CEP72: variants seen among roughly 807,000 people sequenced by gnomAD.
The protein encoded by CEP72 is centrosomal protein 72.
Under a neutral mutation model 65.7 loss-of-function variants are expected in CEP72, and 78 were observed. The ratio of observed to expected loss-of-function variants is 1.19; its 90% confidence interval spans 0.99 to 1.43. CEP72 has a LOEUF of 1.43. CEP72 is among the 40% of genes most tolerant of loss of function. The pLI, the probability that CEP72 is intolerant of heterozygous loss-of-function variation, is 0.00. For missense variants in CEP72, 914 were observed against 832.9 expected, an observed-to-expected ratio of 1.10 and a Z score of -1.20; for synonymous variants, 358 against 351.7, an observed-to-expected ratio of 1.02 and a Z score of -0.20.
chr5:635,645 A>G, intron 6 of CEP72, 61 bp downstream of exon 6: 2 of 1,322,398 alleles, frequency 1.5e-6, no homozygotes, highest in East Asian at 4.6e-5. Flanking sequence ...AGACTGAGTA[A>G]TTTATAAAGA....
intron 2 of CEP72, 126 bp from the exon 3 acceptor site, chr5:619,942 TG>T: frequency 1.4e-6 from 1 of 732,154 alleles, no homozygotes. Context: ...CTACTTTTCC[TG>T]GTAATGACAT....
At chr5:675,090 T>A in the CEP72 span, among the ~76,000 whole-genome samples, 12 of 6,284 alleles carry the variant, frequency 1.9e-3, no homozygotes, top group East Asian at 4.9e-3. Flanking sequence ...CATGGGGGGT[T>A]CAGTGTGGTC....
At chr5:671,844 G>A (rs1034444245), downstream of CEP72, among the ~76,000 whole-genome samples, 2 of 152,226 alleles carry the variant, frequency 1.3e-5, no homozygotes, top group African/African-American at 4.8e-5. Flanking sequence ...GGCACCCACA[G>A]CAATGGAGGG....
chr5:670,092 T>C (rs1412530233), downstream of CEP72, among the ~76,000 whole-genome samples: 1 of 152,100 alleles, frequency 6.6e-6, no homozygotes, highest in African/African-American at 2.4e-5. Flanking sequence ...CCCTGGCCTC[T>C]GGGCCTGGTT....
At chr5:658,248 A>T (rs1739434042), downstream of CEP72, among the ~76,000 whole-genome samples, 1 of 152,244 alleles carries the variant, frequency 6.6e-6, no homozygotes, top group African/African-American at 2.4e-5. Flanking sequence ...TCATCCAGGC[A>T]GCTGCAGCCA....
intron 4 of CEP72, among the ~76,000 whole-genome samples, chr5:629,002 C>T (rs1378619438): frequency 2.1e-5 from 3 of 144,358 alleles, no homozygotes; most frequent in Non-Finnish European, 4.6e-5. Flanking sequence ...CTTTGTGCAG[C>T]GTTCTGGAGA....
the CEP72 span, among the ~76,000 whole-genome samples, chr5:675,422 G>A: frequency 1.7e-5 from 2 of 118,366 alleles, no homozygotes; most frequent in South Asian, 3.1e-4. Context: ...AGTGTGGCCA[G>A]GGGTGCAGCA....
At chr5:627,667 A>T (rs1736842256) in intron 4 of CEP72, among the ~76,000 whole-genome samples, 3 of 151,928 alleles carry the variant, frequency 2.0e-5, no homozygotes, top group Non-Finnish European at 4.4e-5. Flanking sequence ...TGCTGACACC[A>T]CTCCAAATAC....
intron 11 of CEP72, among the ~76,000 whole-genome samples, chr5:652,165 C>T (rs565257836): frequency 2.0e-5 from 3 of 152,302 alleles, no homozygotes; most frequent in African/African-American, 7.2e-5. Flanking sequence ...GGTCAAGGTA[C>T]AGTTGGGGGT....
chr5:616,470 G>A (rs1352812611), intron 1 of CEP72, among the ~76,000 whole-genome samples: 1 of 151,752 alleles, frequency 6.6e-6, no homozygotes, highest in Non-Finnish European at 1.5e-5. Flanking sequence ...GGTATCTGTT[G>A]ATTGACTGTG....
At chr5:617,629 G>A (rs1024963755) in intron 1 of CEP72, among the ~76,000 whole-genome samples, 4 of 152,248 alleles carry the variant, frequency 2.6e-5, no homozygotes, top group Non-Finnish European at 5.9e-5. Flanking sequence ...GCCTCCAAGT[G>A]GGGCAAAACC....
chr5:657,522 G>A (rs532174331), downstream of CEP72, among the ~76,000 whole-genome samples: 18 of 152,332 alleles, frequency 1.2e-4, no homozygotes, highest in South Asian at 3.7e-3. Flanking sequence ...GATGGAACTT[G>A]CTGGTGAAGT....
intron 9 of CEP72, chr5:641,174 C>G (rs1022650255): frequency 6.1e-6 from 6 of 984,788 alleles, no homozygotes; most frequent in Non-Finnish European, 2.4e-6. Flanking sequence ...CTGTCTCAGC[C>G]GTGGGCTGGG....
At chr5:658,986 C>T (rs927752471), downstream of CEP72, among the ~76,000 whole-genome samples, 2 of 152,178 alleles carry the variant, frequency 1.3e-5, no homozygotes, top group Non-Finnish European at 2.9e-5. Context: ...GCTGATTGAT[C>T]CACCATCTCA....
intron 5 of CEP72, 30 bp downstream of exon 5, chr5:633,977 G>A: frequency 6.2e-7 from 1 of 1,601,640 alleles, no homozygotes; most frequent in East Asian, 2.2e-5. Flanking sequence ...GGAGGCCAGT[G>A]GGTCCGCTGG....
In CEP72 at chr5:649,385, A is replaced by C. The variant is rs201769950; in HGVS notation, c.1778+1469A>C. Among the ~76,000 whole-genome samples the C allele has an allele frequency of 1.2e-3, 98 of 82,044 alleles. 10 individuals are homozygous for C. The highest frequency in any genetic ancestry group is 1.7e-3 in the African/African-American group (30 of 17,928). 53.8% of individuals were successfully genotyped at this position (82,044 alleles called of 152,430 possible). On this transcript the variant is annotated intron_variant, in intron 11 of 11. Transcript: ENST00000264935. Reference sequence around the variant, plus strand: ...CTGTGAGGTGTGACTGTGAGGTGTGACTGTGAGGTGTGCCTGTGAGGCGTG... The same window carrying C: ...CTGTGAGGTGTGACTGTGAGGTGTGCCTGTGAGGTGTGCCTGTGAGGCGTG...
At chr5:642,660 A>G in intron 9 of CEP72, 1 of 985,344 alleles carries the variant, frequency 1.0e-6, no homozygotes, top group Non-Finnish European at 1.2e-6. Context: ...GTTTGCAGGC[A>G]GCCCTGGGCC....
At chr5:668,670 C>T (rs540506343), downstream of CEP72, among the ~76,000 whole-genome samples, 18 of 152,276 alleles carry the variant, frequency 1.2e-4, no homozygotes, top group Non-Finnish European at 2.1e-4. Context: ...GGTGGCCCAG[C>T]AGTCCCGTTC....
intron 4 of CEP72, among the ~76,000 whole-genome samples, chr5:628,545 A>AC (rs1736928776): frequency 1.7e-5 from 1 of 59,516 alleles, no homozygotes; most frequent in African/African-American, 1.3e-4. Flanking sequence ...TGGAGAACTC[A>AC]GGTTGCAGTC....
Sources: allele counts gnomAD v4.1 joint callset (sites outside exome capture counted in the v4.1 genomes callset), GRCh38; gene constraint gnomAD v4.1.1; transcripts MANE v1.5; gene names NCBI Gene and HGNC (gene_info 2026-07-23, HGNC 2026-07-21).